CANX: variants seen among roughly 807,000 people sequenced by gnomAD.
CANX encodes epididymis secretory sperm binding protein.
CANX carries 14 observed loss-of-function variants against 75.7 expected under a neutral mutation model. The ratio of observed to expected loss-of-function variants is 0.19; its 90% confidence interval spans 0.12 to 0.29. The LOEUF (loss-of-function observed/expected upper bound fraction) is 0.29, where lower values mean the gene tolerates loss of function less well. Ranked by LOEUF, CANX falls within the 10% of genes least tolerant of loss-of-function variation. The pLI is 1.00. For missense variants in CANX, 567 were observed against 713.2 expected (o/e 0.79, Z 2.34); for synonymous variants, 227 against 236.9 (o/e 0.96, Z 0.38).
chr5:179,713,471 G>T (rs1042610655), intron 7 of CANX, among the ~76,000 whole-genome samples: 1 of 152,166 alleles, frequency 6.6e-6, no homozygotes, highest in African/African-American at 2.4e-5. Flanking sequence ...CGAGGGAGAG[G>T]GGTTGAAGAC....
At chr5:179,721,806 A>G (rs943805919) in intron 10 of CANX, among the ~76,000 whole-genome samples, 10 of 152,260 alleles carry the variant, frequency 6.6e-5, no homozygotes, top group Admixed American at 3.3e-4. Flanking sequence ...CTTTATTTAT[A>G]TACAAATACT....
intron 8 of CANX, among the ~76,000 whole-genome samples, chr5:179,718,287 G>A (rs958942596): frequency 2.7e-5 from 4 of 148,504 alleles, no homozygotes. Context: ...AACGATTCTC[G>A]TGCCTCAGCA....
chr5:179,686,102 C>CTTTTTTTTTTTTTT lies in CANX; in HGVS notation c.-4+7326_-4+7339dup, dbSNP rs757104413. On this transcript the variant is annotated intron_variant, in intron 1 of 14. Coordinates refer to the CANX transcript ENST00000681674. ...ATTTTGATGAAGTGGTTGTTCAAGT[C>CTTTTTTTTTTTTTT]TTTTTTTTTTTTTTGAGACGGAGTC... Among the ~76,000 whole-genome samples, 178 of 128,570 alleles carry CTTTTTTTTTTTTTT rather than the reference C, an allele frequency of 1.4e-3. 5 individuals carry two copies. Among genetic ancestry groups the CTTTTTTTTTTTTTT allele is most frequent in the South Asian group, 1.6e-3 (6 of 3,650 alleles). The allele number at this position is 128,570 out of a possible 152,430, so 84.3% of individuals were successfully genotyped here.
intron 6 of CANX, 23 bp from the exon 7 acceptor site, chr5:179,709,850 A>G (rs1777410632): frequency 6.6e-7 from 1 of 1,516,288 alleles, no homozygotes; most frequent in Non-Finnish European, 8.9e-7. Context: ...GTGACTTCAA[A>G]TAATCCTTTT....
chr5:179,694,366 T>C (rs1443405284), upstream of CANX: 1 of 578,478 alleles, frequency 1.7e-6, no homozygotes, highest in Non-Finnish European at 3.2e-6. Context: ...AAGTCTAAAT[T>C]TGATGAAATG....
intron 14 of CANX, among the ~76,000 whole-genome samples, chr5:179,727,466 A>G (rs1162107290): frequency 6.6e-6 from 1 of 152,208 alleles, no homozygotes; most frequent in Non-Finnish European, 1.5e-5. Context: ...AAGTGGGAAG[A>G]GCATTCCAGG....
At chr5:179,678,991 C>T in intron 1 of CANX, 1 of 1,535,908 alleles carries the variant, frequency 6.5e-7, no homozygotes, top group South Asian at 1.2e-5. Context: ...TGTTGTGGTC[C>T]AGCAGGTAGA....
chr5:179,707,114 G>A lies in CANX; in HGVS notation c.246-18G>A. 1 of 1,508,928 alleles carries A rather than the reference G, an allele frequency of 6.6e-7. No individual in the cohort carries two copies. Among genetic ancestry groups the A allele is most frequent in the Non-Finnish European group, 9.2e-7 (1 of 1,084,246 alleles). The allele number at this position is 1,508,928 out of a possible 1,614,324, so 93.5% of individuals were successfully genotyped here. On this transcript the variant is annotated intron_variant, in intron 3 of 14. Coordinates refer to ENST00000247461, the MANE Select transcript of CANX (RefSeq NM_001746.4). ...CAACTGTCATTTTAAGACTGATTTT[G>A]GGATTTGTTATTTACAGGTGGATTT...
At chr5:179,693,519 G>A (rs1320974971), upstream of CANX, among the ~76,000 whole-genome samples, 1 of 151,698 alleles carries the variant, frequency 6.6e-6, no homozygotes, top group Non-Finnish European at 1.5e-5. Flanking sequence ...ACTAAAAATA[G>A]AGAAATTAGC....
At chr5:179,707,367 G>A (rs1483161258) in intron 4 of CANX, among the ~76,000 whole-genome samples, 177 bp downstream of exon 4, 1 of 152,098 alleles carries the variant, frequency 6.6e-6, no homozygotes, top group Non-Finnish European at 1.5e-5. Context: ...GGCAGATCAC[G>A]AGGTCAGGAG....
chr5:179,714,220 C>T (rs903099948), intron 7 of CANX, among the ~76,000 whole-genome samples: 5 of 152,160 alleles, frequency 3.3e-5, no homozygotes, highest in East Asian at 3.9e-4. Context: ...AGGCTGGTCT[C>T]GAACTCCCAA....
Position 179,708,285 on chromosome 5 carries a change from T to A in CANX, c.351T>A (p.Asp117Glu), listed in dbSNP as rs1777298371. ...EEMKESKLPGDKGLVLMSRAK... is the reference protein window; with the variant it reads ...EEMKESKLPGEKGLVLMSRAK... ...TGAAGGAGTCAAAGCTTCCAGGTGA[T>A]AAAGGACTTGTGTTGATGTCTCGGG... The change falls in exon 5 of 15, where the codon GAT (aspartate) becomes GAA (glutamate). Residue 117 changes from aspartate (D) to glutamate (E), a missense_variant. By Grantham distance (45) the Asp-to-Glu change is conservative. This residue lies in a region of CANX where 351 missense variants were observed against 433.8 expected (regional missense o/e 0.81). Coordinates refer to ENST00000247461, the MANE Select transcript of CANX (RefSeq NM_001746.4). 6.2e-7 allele frequency: 1 copy of A among 1,613,610 alleles called. No individual in the cohort carries two copies. Among genetic ancestry groups the A allele is most frequent in the African/African-American group, 1.3e-5 (1 of 74,900 alleles).
At chr5:179,719,831 T>G (rs1581888281) in intron 9 of CANX, 50 bp downstream of exon 9, 1 of 1,061,302 alleles carries the variant, frequency 9.4e-7, no homozygotes, top group Non-Finnish European at 1.4e-6. Context: ...TTTGTTTGTT[T>G]TTTTTTTTGA....
chr5:179,726,530 C>CCACT (rs1179803543), intron 13 of CANX, 150 bp from the exon 14 acceptor site: 39 of 522,994 alleles, frequency 7.5e-5, no homozygotes, highest in Non-Finnish European at 1.3e-4. Context: ...GAGCCGAGAT[C>CCACT]GCGCCACTGC....
chr5:179,698,909 C>G, upstream of CANX: 1 of 1,154,794 alleles, frequency 8.7e-7, no homozygotes, highest in Non-Finnish European at 1.1e-6. Context: ...TGTGGCTACT[C>G]AGGGGCCAGG....
At chr5:179,719,415 GTCT>G (rs1388429582) in intron 8 of CANX, among the ~76,000 whole-genome samples, 1 of 152,026 alleles carries the variant, frequency 6.6e-6, no homozygotes, top group Non-Finnish European at 1.5e-5. Flanking sequence ...ACATTCGTAT[GTCT>G]TCTTTGGAGA....
intron 1 of CANX, among the ~76,000 whole-genome samples, chr5:179,685,613 G>A (rs1052351422): frequency 9.1e-5 from 13 of 142,456 alleles, no homozygotes; most frequent in African/African-American, 3.4e-4. Flanking sequence ...GGAGTGCAGT[G>A]GCGTGATCTC....
At chr5:179,691,437 T>A (rs764126096) in intron 1 of CANX, among the ~76,000 whole-genome samples, 1 of 152,122 alleles carries the variant, frequency 6.6e-6, no homozygotes, top group Non-Finnish European at 1.5e-5. Context: ...CCGGGCACAG[T>A]GCTTCATGCC....
chr5:179,719,544 A>G (rs1276680890), intron 8 of CANX, 124 bp from the exon 9 acceptor site: 1 of 517,828 alleles, frequency 1.9e-6, no homozygotes, highest in Non-Finnish European at 3.5e-6. Context: ...GTATTTTCTA[A>G]GAGGAATTAT....
Sources: gnomAD v4.1 joint callset for allele counts (sites outside exome capture counted in the v4.1 genomes callset) on GRCh38, gnomAD v4.1.1 for gene constraint, gnomAD v4.1.1 regional missense constraint, MANE v1.5 for transcripts, NCBI Gene and HGNC (gene_info 2026-07-23, HGNC 2026-07-21) for gene names.